SEC23A: variants seen among roughly 807,000 people sequenced by gnomAD.
SEC23A encodes protein transport protein Sec23A.
A neutral mutation model predicts 103.7 loss-of-function variants in SEC23A; 56 were observed. That is an observed-to-expected ratio of 0.54 (90% CI 0.44 to 0.67). SEC23A has a LOEUF of 0.67. Among genes scored for constraint, SEC23A ranks in the 30% least tolerant of loss-of-function variants. The pLI, the probability that SEC23A is intolerant of heterozygous loss-of-function variation, is 0.00. For missense variants in SEC23A, 784 were observed against 936.4 expected (o/e 0.84, Z 2.12); for synonymous variants, 281 against 293.0 (o/e 0.96, Z 0.42).
chr14:39,053,754 T>C (rs978916282), intron 14 of SEC23A, among the ~76,000 whole-genome samples: 2 of 152,152 alleles, frequency 1.3e-5, no homozygotes, highest in Non-Finnish European at 2.9e-5. Flanking sequence ...AATAGAGTTC[T>C]CAAAAGGGTG....
At chr14:39,096,321 G>A (rs552945535) in intron 1 of SEC23A, among the ~76,000 whole-genome samples, 182 bp from the exon 2 acceptor site, 49 of 152,026 alleles carry the variant, frequency 3.2e-4, no homozygotes, top group Middle Eastern at 3.4e-3. Flanking sequence ...ACCTGAGGTC[G>A]GGAGTTCGAG....
chr14:39,094,255 C>CAT (rs1378089734), intron 2 of SEC23A, among the ~76,000 whole-genome samples: 2 of 62,720 alleles, frequency 3.2e-5, no homozygotes, highest in African/African-American at 1.3e-4. Context: ...TACACATATA[C>CAT]ATATATATGC....
At position 39,042,909 on chromosome 14, in the gene SEC23A, GA is replaced by G. The variant is rs141375970; in HGVS notation, c.1900-38del. The G allele has an allele frequency of 0.072, 90,330 of 1,256,152 alleles. 4,095 individuals carry two copies. The highest frequency in any genetic ancestry group is 0.15 in the African/African-American group (10,481 of 67,938). The allele number at this position is 1,256,152 out of a possible 1,614,324, so 77.8% of individuals were successfully genotyped here. On this transcript the variant is annotated intron_variant, in intron 16 of 19. Transcript: ENST00000307712. ...AAAACAATGAGAAATGAGGAAAAAGGAAAAATAATCTACTCAATAATATAAA... is the reference window on the plus strand; with the variant it reads ...AAAACAATGAGAAATGAGGAAAAAGGAAAATAATCTACTCAATAATATAAA...
At chr14:39,093,855 A>G (rs1018479448) in intron 2 of SEC23A, among the ~76,000 whole-genome samples, 3 of 152,158 alleles carry the variant, frequency 2.0e-5, no homozygotes, top group African/African-American at 7.2e-5. Flanking sequence ...ATCTACACTC[A>G]GACCTAGAAA....
intron 15 of SEC23A, among the ~76,000 whole-genome samples, chr14:39,048,157 G>T (rs930684893): frequency 2.0e-5 from 3 of 152,154 alleles, no homozygotes; most frequent in Non-Finnish European, 4.4e-5. Context: ...ATGACTATTT[G>T]CAAGGCCAAT....
rs114519526 is a variant in SEC23A, at chr14:39,060,623, T to C, written c.1505+1142A>G. ...CTAAAAAACCTCTTCCTAACTAAAC[T>C]CATTCCACAATTATTTTCCTTTTGT... On this transcript the variant is annotated intron_variant, in intron 13 of 19. Transcript: ENST00000307712. Among the ~76,000 whole-genome samples, 802 of 152,300 alleles carry C rather than the reference T, an allele frequency of 5.3e-3. 4 individuals are homozygous for C. The highest frequency in any genetic ancestry group is 0.019 in the African/African-American group (783 of 41,552).
intron 8 of SEC23A, among the ~76,000 whole-genome samples, chr14:39,075,402 CTA>C (rs1886979299): frequency 6.6e-6 from 1 of 151,894 alleles, no homozygotes; most frequent in Non-Finnish European, 1.5e-5. Context: ...AAACTGAACT[CTA>C]GAGAATTTAA....
intron 13 of SEC23A, among the ~76,000 whole-genome samples, chr14:39,060,128 G>A (rs998272834): frequency 1.3e-5 from 2 of 151,366 alleles, no homozygotes; most frequent in South Asian, 2.1e-4. Flanking sequence ...CACACACGTT[G>A]AGAGCCATAA....
chr14:39,082,919 G>T (rs1355029245), intron 7 of SEC23A, among the ~76,000 whole-genome samples: 1 of 152,088 alleles, frequency 6.6e-6, no homozygotes, highest in African/African-American at 2.4e-5. Context: ...GATGAAGGAG[G>T]GTAAATAGAT....
intron 19 of SEC23A, among the ~76,000 whole-genome samples, chr14:39,035,344 G>A (rs1885424882): frequency 6.6e-6 from 1 of 152,116 alleles, no homozygotes; most frequent in African/African-American, 2.4e-5. Flanking sequence ...CCTACTTCCA[G>A]GCAGTAACAA....
rs1468597635 is a variant in SEC23A at position 39,074,492 on chromosome 14, G to A, written c.1026C>T (p.Gly342=). 1.9e-6 allele frequency: 3 copies of A among 1,613,018 alleles called. No homozygotes were observed. Among genetic ancestry groups the A allele is most frequent in the Non-Finnish European group, 2.5e-6 (3 of 1,179,590 alleles). Residue 342 remains glycine (G), a synonymous_variant, in exon 9 of 20, where the codon GGC becomes GGT. Transcript: ENST00000307712. ...EALANRAATT[G]HVIDIYACAL... is the part of the protein sequence containing the mutation. ...CACACGCATAGATATCAATAACATG[G>A]CCAGTTGTAGCAGCTCGATTAGCCA...
chr14:39,067,209 CT>C lies in SEC23A; in HGVS notation c.1190del (p.Gln397ArgfsTer10), dbSNP rs776292845. 3.7e-6 allele frequency: 6 copies of C among 1,613,788 alleles called. No individual in the cohort carries two copies. The highest frequency in any genetic ancestry group is 5.1e-6 in the Non-Finnish European group (6 of 1,179,860). On this transcript the variant is annotated frameshift_variant, in exon 10 of 20. Transcript: ENST00000307712. LOFTEE classifies it high-confidence loss of function. ...GCGTACCACCAAAGCCCATTTTAAA[CT>C]GTCCATGCATGTCTTTGGTAAAGAC... is the stretch of plus-strand genomic sequence containing the variant. Reference protein sequence around the residue: ...QRVFTKDMHGQFKMGFGGTLE... With the variant: ...QRVFTKDMHGXFKMGFGGTLE...
chr14:39,084,836 A>G (rs1169239780), intron 7 of SEC23A, among the ~76,000 whole-genome samples: 2 of 152,032 alleles, frequency 1.3e-5, no homozygotes, highest in African/African-American at 4.8e-5. Context: ...ACGCCTGGCT[A>G]ATTTTTGTAT....
intron 1 of SEC23A, among the ~76,000 whole-genome samples, chr14:39,098,486 A>G (rs1381757897): frequency 6.6e-6 from 1 of 152,128 alleles, no homozygotes; most frequent in East Asian, 1.9e-4. Flanking sequence ...AAATAAAAAA[A>G]ATTTTAAGGC....
chr14:39,055,128 G>T lies in SEC23A; in HGVS notation c.1659+15C>A. On this transcript the variant is annotated intron_variant, in intron 14 of 19. Coordinates refer to ENST00000307712, the MANE Select transcript of SEC23A (RefSeq NM_006364.4). The stretch of plus-strand genomic sequence containing the variant: ...AAGCATACAGATTTAGAAAAGCACA[G>T]TGTTTATTTCTTACCAGTCGAATGA... The T allele has an allele frequency of 6.2e-7, 1 of 1,613,878 alleles. No homozygotes were observed. The highest frequency in any genetic ancestry group is 8.5e-7 in the Non-Finnish European group (1 of 1,179,804).
chr14:39,079,806 G>A (rs1887159601), intron 7 of SEC23A, among the ~76,000 whole-genome samples: 1 of 151,582 alleles, frequency 6.6e-6, no homozygotes. Context: ...TGGGCAACAA[G>A]AGCAAAAATC....
rs201109660 is a variant in SEC23A, at chr14:39,096,023, T to G, written c.96A>C (p.Thr32=). ...NVWPSSRLEA[T]RMVVPVAALF... is the part of the protein sequence containing the mutation. ...GGGCTGCCACAGGAACAACCATTCTTGTAGCTTCCAGTCGACTTGATGGCC... is the reference window on the plus strand; with the variant it reads ...GGGCTGCCACAGGAACAACCATTCTGGTAGCTTCCAGTCGACTTGATGGCC... The change falls in exon 2 of 20, where the codon ACA becomes ACC. Residue 32 remains threonine, a synonymous_variant. Transcript: ENST00000307712. 2.8e-5 allele frequency: 45 copies of G among 1,614,166 alleles called. No individual in the cohort carries two copies. Among genetic ancestry groups the G allele is most frequent in the Middle Eastern group, 1.6e-4 (1 of 6,062 alleles).
chr14:39,047,284 A>C, intron 15 of SEC23A: 2 of 623,680 alleles, frequency 3.2e-6, no homozygotes, highest in South Asian at 3.4e-5. Context: ...TGCAGAATTT[A>C]GTCAAATACT....
At chr14:39,085,606 T>C (rs1435522564) in intron 7 of SEC23A, among the ~76,000 whole-genome samples, 156 bp downstream of exon 7, 2 of 151,714 alleles carry the variant, frequency 1.3e-5, no homozygotes, top group Admixed American at 6.6e-5. Context: ...GGGAAAACCA[T>C]AGAAGTATTC....
Sources: allele counts gnomAD v4.1 joint callset (sites outside exome capture counted in the v4.1 genomes callset), GRCh38; gene constraint gnomAD v4.1.1; transcripts MANE v1.5; gene names NCBI Gene and HGNC (gene_info 2026-07-23, HGNC 2026-07-21).